Variants in NOL10 observed in about 807,000 individuals in gnomAD.
NOL10 encodes H_NH0074G24.1.
In NOL10, 58 loss-of-function variants were observed where a neutral mutation model predicts 103.5. The ratio of observed to expected loss-of-function variants is 0.56; its 90% confidence interval spans 0.45 to 0.70. The LOEUF is 0.70. NOL10 is among the 30% of genes least tolerant of loss of function. The probability of loss-of-function intolerance (pLI) is 0.00; values close to 1 mark genes in which losing one functional copy is unlikely to be tolerated. For missense variants in NOL10, 763 were observed against 807.3 expected, an observed-to-expected ratio of 0.95 and a Z score of 0.67; for synonymous variants, 287 against 282.5, an observed-to-expected ratio of 1.02 and a Z score of -0.16.
chr2:10,672,510 G>A (rs999218394), intron 5 of NOL10, among the ~76,000 whole-genome samples: 2 of 152,006 alleles, frequency 1.3e-5, no homozygotes, highest in South Asian at 2.1e-4. Flanking sequence ...GTTCCAAAAC[G>A]TATGATAAAT....
At chr2:10,653,526 C>A (rs1679626044) in intron 12 of NOL10, among the ~76,000 whole-genome samples, 1 of 152,164 alleles carries the variant, frequency 6.6e-6, no homozygotes, top group Non-Finnish European at 1.5e-5. Flanking sequence ...CGGAACAAGT[C>A]CTCTCTGACA....
chr2:10,598,465 AGGGAATGTG>A (rs1345205168), intron 17 of NOL10, among the ~76,000 whole-genome samples: 3 of 152,238 alleles, frequency 2.0e-5, no homozygotes, highest in Non-Finnish European at 4.4e-5. Flanking sequence ...GTGGGAATAC[AGGGAATGTG>A]GCTACTGTCA....
At chr2:10,581,285 C>T (rs570274518) in intron 19 of NOL10, among the ~76,000 whole-genome samples, 80 of 152,200 alleles carry the variant, frequency 5.3e-4, no homozygotes, top group African/African-American at 1.9e-3. Context: ...TATCGCATAC[C>T]CCCGCTGATC....
At chr2:10,582,954 T>C (rs1258059552) in intron 19 of NOL10, among the ~76,000 whole-genome samples, 1 of 152,210 alleles carries the variant, frequency 6.6e-6, no homozygotes, top group African/African-American at 2.4e-5. Flanking sequence ...TATCTCCCAG[T>C]CACTTGTGTC....
At chr2:10,572,248 T>C in intron 20 of NOL10, 58 bp from the exon 21 acceptor site, 1 of 1,589,702 alleles carries the variant, frequency 6.3e-7, no homozygotes, top group Non-Finnish European at 8.6e-7. Flanking sequence ...ACCTCTTTTC[T>C]GGTAACCGTC....
chr2:10,589,818 G>T, intron 17 of NOL10, 67 bp from the exon 18 acceptor site: 1 of 923,602 alleles, frequency 1.1e-6, no homozygotes. Flanking sequence ...CAGAAACATG[G>T]TTTTAAAACA....
At chr2:10,628,158 T>C (rs77909024) in intron 13 of NOL10, among the ~76,000 whole-genome samples, 1 of 152,038 alleles carries the variant, frequency 6.6e-6, no homozygotes, top group Admixed American at 6.6e-5. Context: ...ATGATCTTAC[T>C]CTTTTCCTAG....
At chr2:10,601,850 A>G (rs1291389458) in intron 16 of NOL10, among the ~76,000 whole-genome samples, 1 of 152,226 alleles carries the variant, frequency 6.6e-6, no homozygotes, top group African/African-American at 2.4e-5. Context: ...TGGAAAAACA[A>G]AAAAGTACTG....
intron 19 of NOL10, among the ~76,000 whole-genome samples, chr2:10,578,472 C>A (rs1372657717): frequency 6.6e-6 from 1 of 152,196 alleles, no homozygotes; most frequent in Non-Finnish European, 1.5e-5. Context: ...ATTTAAATCT[C>A]ATTTCATTTC....
rs576151868 is a variant in NOL10, at chr2:10,665,751, C to T, written c.591+1467G>A. ...TCTTGTAAAACTTCCCCTTGGTAAT[C>T]TCAAGTAACCTGACTACCAAGAGAA... On this transcript the variant is annotated intron_variant, in intron 8 of 20. Transcript: ENST00000381685. Among the ~76,000 whole-genome samples the T allele has an allele frequency of 4.9e-4, 74 of 152,336 alleles. 1 individual carries two copies. Among genetic ancestry groups the T allele is most frequent in the Admixed American group, 1.8e-3 (27 of 15,304 alleles).
chr2:10,622,185 A>C (rs1250660735), intron 13 of NOL10: 1 of 471,178 alleles, frequency 2.1e-6, no homozygotes, highest in Admixed American at 2.3e-5. Context: ...TTAACACAGG[A>C]AACTATGTAA....
intron 3 of NOL10, among the ~76,000 whole-genome samples, chr2:10,681,519 A>G (rs1681755347): frequency 6.6e-6 from 1 of 152,214 alleles, no homozygotes; most frequent in Admixed American, 6.5e-5. Flanking sequence ...TAGAGCTTTG[A>G]GTTACACAAG....
chr2:10,587,519 C>A (rs186137919), intron 19 of NOL10, among the ~76,000 whole-genome samples: 10 of 151,344 alleles, frequency 6.6e-5, no homozygotes, highest in Non-Finnish European at 1.3e-4. Context: ...TCTGCCCCCC[C>A]CTTGGCCTCC....
intron 17 of NOL10, among the ~76,000 whole-genome samples, chr2:10,593,824 T>C (rs1675522092): frequency 6.6e-6 from 1 of 152,072 alleles, no homozygotes; most frequent in Admixed American, 6.5e-5. Context: ...CTCCAACCTC[T>C]TGTGACCTAC....
At chr2:10,617,822 G>A (rs1213533387) in intron 13 of NOL10, among the ~76,000 whole-genome samples, 3 of 152,122 alleles carry the variant, frequency 2.0e-5, no homozygotes, top group Non-Finnish European at 2.9e-5. Context: ...CAACATGGAC[G>A]GGCCGGGAAA....
intron 19 of NOL10, among the ~76,000 whole-genome samples, chr2:10,581,189 C>T (rs1429304660): frequency 5.9e-5 from 9 of 152,266 alleles, no homozygotes; most frequent in Middle Eastern, 6.8e-3. Context: ...TCTTAATATC[C>T]GGCGTTGCTG....
chr2:10,625,461 T>G (rs1346706300), intron 13 of NOL10, among the ~76,000 whole-genome samples: 1 of 152,198 alleles, frequency 6.6e-6, no homozygotes, highest in African/African-American at 2.4e-5. Flanking sequence ...GACATAACCA[T>G]GTACAGACAT....
chr2:10,644,375 A>G lies in NOL10; in HGVS notation c.974-3T>C. On this transcript the variant is annotated splice_polypyrimidine_tract_variant and splice_region_variant and intron_variant, in intron 12 of 20. Transcript: ENST00000381685. ...TTCATTGGCCGTCAGAAGCATGCCT[A>G]AAAATAAATACAATGAAAAAGGTCA... 2 of 1,532,980 alleles carry G rather than the reference A, an allele frequency of 1.3e-6. No individual in the cohort carries two copies. The highest frequency in any genetic ancestry group is 1.8e-6 in the Non-Finnish European group (2 of 1,140,660). The allele number at this position is 1,532,980 out of a possible 1,614,324, so 95.0% of individuals were successfully genotyped here. A position where few individuals can be genotyped will look rare whatever the true frequency, so the allele number is the denominator to read the frequency against.
rs1312964638 is a variant in NOL10 at position 10,663,162 on chromosome 2, T to A, written c.592-118A>T. On this transcript the variant is annotated intron_variant, in intron 8 of 20. Transcript: ENST00000381685. ...CGGGCTGATCACCTGAAGCCAGGAG[T>A]TTGAGACTAGTCTGACTAACATGGC... is the stretch of plus-strand genomic sequence containing the variant. The A allele has an allele frequency of 1.1e-5, 8 of 698,546 alleles. No homozygotes were observed. The East Asian group carries it at 1.7e-4, about 15-fold the overall frequency. 43.3% of individuals were successfully genotyped at this position (698,546 alleles called of 1,614,324 possible).
Sources: gnomAD v4.1 joint callset for allele counts (sites outside exome capture counted in the v4.1 genomes callset) on GRCh38, gnomAD v4.1.1 for gene constraint, MANE v1.5 for transcripts, NCBI Gene and HGNC (gene_info 2026-07-23, HGNC 2026-07-21) for gene names.